POTEC: variants seen among roughly 807,000 people sequenced by gnomAD.
The protein encoded by POTEC is ANKRD26-like family B member 2.
A neutral mutation model predicts 62.0 loss-of-function variants in POTEC; 35 were observed. The ratio of observed to expected loss-of-function variants is 0.56; its 90% CI spans 0.43 to 0.75. The LOEUF is 0.75. Ranked by LOEUF, POTEC falls within the 30% of genes least tolerant of loss-of-function variation. The pLI, the probability that POTEC is intolerant of heterozygous loss-of-function variation, is 0.00. For synonymous variants in POTEC, 156 were observed against 221.5 expected (o/e 0.70, Z 2.62); for missense variants, 472 against 655.9 (o/e 0.72, Z 3.06).
At chr18:14,542,338 C>T (rs1375830689) in intron 1 of POTEC, among the ~76,000 whole-genome samples, 1 of 152,180 alleles carries the variant, frequency 6.6e-6, no homozygotes, top group Non-Finnish European at 1.5e-5. Context: ...AAAATGTGTA[C>T]ATTAAAAATA....
chr18:14,527,883 A>C (rs1910478299), intron 6 of POTEC: 1 of 152,210 alleles, frequency 6.6e-6, no homozygotes, highest in African/African-American at 2.4e-5. Flanking sequence ...ATACTAGTCC[A>C]AGGGTGTGTG....
intron 6 of POTEC, chr18:14,529,154 A>G (rs1910514430): frequency 2.9e-6 from 1 of 344,110 alleles, no homozygotes; most frequent in Non-Finnish European, 5.6e-6. Flanking sequence ...TATATAATAA[A>G]TCATTATTAT....
intron 6 of POTEC, among the ~76,000 whole-genome samples, chr18:14,526,217 CAA>C (rs1478580574): frequency 6.6e-6 from 1 of 152,040 alleles, no homozygotes; most frequent in East Asian, 1.9e-4. Context: ...TCTTTTAAAA[CAA>C]TGCTATGGGA....
chr18:14,522,226 C>A, intron 9 of POTEC, 28 bp downstream of exon 9: 1 of 1,595,266 alleles, frequency 6.3e-7, no homozygotes. Flanking sequence ...ATATAGTTAT[C>A]TCCTATTAAA....
chr18:14,524,277 T>C (rs1910382512), intron 7 of POTEC, among the ~76,000 whole-genome samples: 1 of 152,154 alleles, frequency 6.6e-6, no homozygotes, highest in African/African-American at 2.4e-5. Flanking sequence ...TAATAGGCAG[T>C]TGGGTTGCTT....
At position 14,509,374 on chromosome 18, in the gene POTEC, G is replaced by C. The variant is rs955039873; in HGVS notation, c.*2524C>G. The C allele has an allele frequency of 6.6e-6, 1 of 151,934 alleles. No individual in the cohort carries two copies. The highest frequency in any genetic ancestry group is 1.5e-5 in the Non-Finnish European group (1 of 68,006). The allele number at this position is 151,934 out of a possible 1,614,324, so 9.4% of individuals were successfully genotyped here. ...TCCTCTGCACAGCATTACCTCAAGG[G>C]TGAGATGCTAGCAGGGGTGGGGTTT... On this transcript the variant is annotated 3_prime_UTR_variant, in exon 11 of 11. Coordinates refer to ENST00000358970, the MANE Select transcript of POTEC (RefSeq NM_001137671.2).
intron 9 of POTEC, among the ~76,000 whole-genome samples, chr18:14,518,498 G>T (rs866331245): frequency 4.6e-5 from 7 of 150,674 alleles, no homozygotes; most frequent in African/African-American, 1.2e-4. Context: ...ATACAAATGG[G>T]TTTGAAGTTA....
At chr18:14,530,902 T>G (rs181170485) in intron 5 of POTEC, among the ~76,000 whole-genome samples, 126 of 152,252 alleles carry the variant, frequency 8.3e-4, no homozygotes, top group African/African-American at 3.0e-3. Flanking sequence ...CAATGTCTTC[T>G]TCTACAAAGT....
At chr18:14,513,176 T>C (rs1567909253) in intron 10 of POTEC, among the ~76,000 whole-genome samples, 1 of 151,760 alleles carries the variant, frequency 6.6e-6, no homozygotes, top group Non-Finnish European at 1.5e-5. Context: ...CGGAGCAAAC[T>C]GTTCCTCTCC....
At chr18:14,533,323 A>G (rs879025047) in intron 4 of POTEC, 125 bp from the exon 5 acceptor site, 1 of 1,528,082 alleles carries the variant, frequency 6.5e-7, no homozygotes, top group East Asian at 2.3e-5. Flanking sequence ...TACATGCACT[A>G]AAAGACATAA....
rs1248012981 is a variant in POTEC, at chr18:14,507,554, A to G, written c.*4344T>C. ...TCCAGCTTGCCCCCTGTGTCTTTCA[A>G]TTGGAGCATTTAGCCCATTTCCATT... On this transcript the variant is annotated 3_prime_UTR_variant, in exon 11 of 11. Transcript: ENST00000358970. 2 of 151,862 alleles carry G rather than the reference A, an allele frequency of 1.3e-5. No individual in the cohort carries two copies. The highest frequency in any genetic ancestry group is 2.9e-5 in the Non-Finnish European group (2 of 67,968). The allele number at this position is 151,862 out of a possible 1,614,324, so 9.4% of individuals were successfully genotyped here.
At chr18:14,521,149 T>C (rs1910297626) in intron 9 of POTEC, among the ~76,000 whole-genome samples, 1 of 152,136 alleles carries the variant, frequency 6.6e-6, no homozygotes, top group South Asian at 2.1e-4. Context: ...GTACAATCCC[T>C]TGGCAATATT....
intron 1 of POTEC, among the ~76,000 whole-genome samples, chr18:14,539,591 C>CT (rs1323870313): frequency 6.6e-6 from 1 of 150,442 alleles, no homozygotes; most frequent in African/African-American, 2.5e-5. Context: ...ATCCATGTCC[C>CT]TGCAAAGGAC....
At chr18:14,537,198 CACACACACACACAAAA>C (rs1423040968) in intron 3 of POTEC, among the ~76,000 whole-genome samples, 4 of 83,706 alleles carry the variant, frequency 4.8e-5, no homozygotes, top group South Asian at 5.6e-4. Context: ...CACACACACA[CACACACACACACAAAA>C]AAAAAAAAAA....
intron 8 of POTEC, 74 bp from the exon 9 acceptor site, chr18:14,522,494 C>T (rs2143128712): frequency 6.6e-7 from 1 of 1,521,376 alleles, no homozygotes; most frequent in Non-Finnish European, 8.8e-7. Flanking sequence ...TTGATTTTAT[C>T]AATTGACTCA....
At chr18:14,540,658 A>C (rs1420985056) in intron 1 of POTEC, among the ~76,000 whole-genome samples, 1 of 152,224 alleles carries the variant, frequency 6.6e-6, no homozygotes, top group Non-Finnish European at 1.5e-5. Flanking sequence ...TATTTTAAGC[A>C]ATACTAAGAA....
chr18:14,520,942 T>A lies in POTEC; in HGVS notation c.1409+1312A>T, dbSNP rs1425234011. Among the ~76,000 whole-genome samples the A allele has an allele frequency of 1.1e-4, 17 of 152,148 alleles. No homozygotes were observed. In the East Asian group the frequency reaches 2.5e-3, roughly 22 times the overall value. Reference sequence around the variant, plus strand: ...GTGAGCTGTGATCACACAATTGCACTCCAGCCTGGGCAACAGAGACCCTGT... The same window carrying A: ...GTGAGCTGTGATCACACAATTGCACACCAGCCTGGGCAACAGAGACCCTGT... On this transcript the variant is annotated intron_variant, in intron 9 of 10. Transcript: ENST00000358970.
chr18:14,518,403 T>A (rs1168175724), intron 9 of POTEC, among the ~76,000 whole-genome samples: 1 of 151,900 alleles, frequency 6.6e-6, no homozygotes, highest in Admixed American at 6.6e-5. Flanking sequence ...AAGGGGATTT[T>A]TTTTTTCTAA....
intron 1 of POTEC, among the ~76,000 whole-genome samples, chr18:14,538,736 C>T (rs1028616045): frequency 2.0e-5 from 3 of 152,184 alleles, no homozygotes; most frequent in Admixed American, 6.5e-5. Flanking sequence ...ATTAAACCTA[C>T]ACTTTCAGGT....
Sources: allele counts gnomAD v4.1 joint callset (sites outside exome capture counted in the v4.1 genomes callset), GRCh38; gene constraint gnomAD v4.1.1; transcripts MANE v1.5; gene names NCBI Gene and HGNC (gene_info 2026-07-23, HGNC 2026-07-21).